The following PKIG variants were observed in gnomAD, a reference collection of about 807,000 sequenced individuals.
The protein encoded by PKIG is protein kinase (cAMP-dependent, catalytic) inhibitor gamma.
PKIG carries 1 observed loss-of-function variant against 6.8 expected under a neutral mutation model. The ratio of observed to expected loss-of-function variants is 0.15; its 90% CI spans 0.05 to 0.69. The LOEUF (loss-of-function observed/expected upper bound fraction) is 0.69. Among genes scored for constraint, PKIG ranks in the 30% least tolerant of loss-of-function variants. The pLI is 0.82. For missense variants in PKIG, 77 were observed against 104.0 expected (o/e 0.74, Z 1.13); for synonymous variants, 39 against 43.0 (o/e 0.91, Z 0.36).
chr20:44,570,481 A>G (rs1172936371), intron 1 of PKIG, among the ~76,000 whole-genome samples: 1 of 152,206 alleles, frequency 6.6e-6, no homozygotes, highest in East Asian at 1.9e-4. Flanking sequence ...TTGTCGTCAT[A>G]CATACCAGTA....
chr20:44,533,745 A>G (rs1051719891), intron 1 of PKIG, among the ~76,000 whole-genome samples: 1 of 152,198 alleles, frequency 6.6e-6, no homozygotes, highest in Non-Finnish European at 1.5e-5. Context: ...AGAATGAGCC[A>G]TGCACTTAGT....
rs755749020 is a variant in PKIG at position 44,618,352 on chromosome 20, C to T, written c.219C>T (p.Thr73=). 4.3e-6 allele frequency: 7 copies of T among 1,610,532 alleles called. No individual in the cohort carries two copies. The East Asian group carries it at 1.3e-4, about 31-fold the overall frequency. Residue 73 remains threonine, a synonymous_variant, in exon 4 of 4, where the codon ACC becomes ACT. Transcript: ENST00000372886. ...ACCAGCCCCAGAGCAGCGATGGGAC[C>T]ACCTCGTCTTGAATCTGACCTTGTC... is the stretch of plus-strand genomic sequence containing the variant. ...AGNQPQSSDG[T]TSS
At chr20:44,609,005 A>G (rs1183200697) in intron 2 of PKIG, among the ~76,000 whole-genome samples, 6 of 152,232 alleles carry the variant, frequency 3.9e-5, no homozygotes, top group Non-Finnish European at 8.8e-5. Context: ...GGGTTTGAGA[A>G]TGACCATTTT....
chr20:44,535,066 T>G (rs2064500361), intron 1 of PKIG, among the ~76,000 whole-genome samples: 1 of 152,076 alleles, frequency 6.6e-6, no homozygotes, highest in Non-Finnish European at 1.5e-5. Context: ...CAAAAAGCAA[T>G]AGCTTTATGC....
chr20:44,581,194 T>C (rs2027871), upstream of PKIG, among the ~76,000 whole-genome samples: 63,727 of 152,088 alleles, frequency 0.42, 15,677 homozygotes, highest in Non-Finnish European at 0.57. Context: ...GTATATGTCT[T>C]CTTATCCAGG....
intron 1 of PKIG, among the ~76,000 whole-genome samples, chr20:44,543,386 T>A (rs937486165): frequency 3.3e-5 from 5 of 152,070 alleles, no homozygotes; most frequent in Non-Finnish European, 4.4e-5. Flanking sequence ...AAACTTACTC[T>A]ATAGTAAGTT....
In PKIG at chr20:44,583,055, TC is replaced by T. The variant is rs751014215; in HGVS notation, c.-94+325del. Among the ~76,000 whole-genome samples the T allele has an allele frequency of 1.8e-4, 28 of 152,340 alleles. No homozygotes were observed. In the East Asian group the frequency reaches 5.0e-3, roughly 27 times the overall value. Reference sequence around the variant, plus strand: ...AAGAAATAAATCTTCCCTAAGAAATTCGTGTTTGTAAAACCCTTTCTTTTTT... The same window carrying T: ...AAGAAATAAATCTTCCCTAAGAAATTGTGTTTGTAAAACCCTTTCTTTTTT... On this transcript the variant is annotated intron_variant, in intron 1 of 3. Coordinates refer to ENST00000372886, the MANE Select transcript of PKIG (RefSeq NM_001281445.2).
At chr20:44,581,034 G>C (rs1394341135), upstream of PKIG, among the ~76,000 whole-genome samples, 1 of 152,144 alleles carries the variant, frequency 6.6e-6, no homozygotes. Flanking sequence ...CCTTTCCCAG[G>C]CTGGCTGCGG....
intron 1 of PKIG, among the ~76,000 whole-genome samples, chr20:44,557,538 A>C (rs2064724290): frequency 6.7e-6 from 1 of 148,834 alleles, no homozygotes; most frequent in Non-Finnish European, 1.5e-5. Context: ...AAAAAAAAAA[A>C]GGCCAGGTGC....
At chr20:44,574,539 A>G (rs946339719) in intron 1 of PKIG, among the ~76,000 whole-genome samples, 10 of 151,988 alleles carry the variant, frequency 6.6e-5, no homozygotes, top group Non-Finnish European at 1.3e-4. Flanking sequence ...ACATCATTTT[A>G]TCAGTAATTA....
At chr20:44,574,833 G>A (rs980718898) in intron 1 of PKIG, among the ~76,000 whole-genome samples, 1 of 152,174 alleles carries the variant, frequency 6.6e-6, no homozygotes, top group East Asian at 1.9e-4. Context: ...GCCTCCCAAA[G>A]TGTTGAGATT....
At chr20:44,584,837 C>T (rs2064977053) in intron 1 of PKIG, among the ~76,000 whole-genome samples, 1 of 151,924 alleles carries the variant, frequency 6.6e-6, no homozygotes, top group African/African-American at 2.4e-5. Context: ...GATTCTCCTG[C>T]CTCAGCCCCT....
chr20:44,560,529 C>G (rs1176951973), intron 1 of PKIG, among the ~76,000 whole-genome samples: 1 of 152,140 alleles, frequency 6.6e-6, no homozygotes, highest in Non-Finnish European at 1.5e-5. Flanking sequence ...TTGCTGATCC[C>G]GAGAAAGCAT....
intron 1 of PKIG, among the ~76,000 whole-genome samples, chr20:44,559,977 C>G (rs184905292): frequency 1.3e-5 from 2 of 149,640 alleles, no homozygotes; most frequent in Non-Finnish European, 3.0e-5. Context: ...CTGAGGTGGG[C>G]GGATCACTTG....
chr20:44,558,574 T>TTTCTTTCTTTCTTTCTTTC (rs2064736616), intron 1 of PKIG, among the ~76,000 whole-genome samples: 160 of 132,000 alleles, frequency 1.2e-3, no homozygotes, highest in Admixed American at 2.1e-3. Flanking sequence ...TTTTTTTCTT[T>TTTCTTTCTTTCTTTCTTTC]TTTCTTTCTT....
chr20:44,568,167 A>G (rs1323026424), intron 1 of PKIG, among the ~76,000 whole-genome samples: 2 of 152,182 alleles, frequency 1.3e-5, no homozygotes, highest in Admixed American at 6.6e-5. Flanking sequence ...TAACTCTGAT[A>G]TAAATGTCTC....
In PKIG at chr20:44,612,250, G is replaced by A. The variant is rs116960652; in HGVS notation, c.-23-2284G>A. Reference sequence around the variant, plus strand: ...TTTTTATGACTACTTCATAATTCACGCGATGCCTAACCTCCTGGTGGACAT... The same window carrying A: ...TTTTTATGACTACTTCATAATTCACACGATGCCTAACCTCCTGGTGGACAT... On this transcript the variant is annotated intron_variant, in intron 2 of 3. Coordinates refer to ENST00000372886, the MANE Select transcript of PKIG (RefSeq NM_001281445.2). Among the ~76,000 whole-genome samples the A allele has an allele frequency of 4.3e-3, 657 of 152,098 alleles. 2 individuals carry two copies. The highest frequency in any genetic ancestry group is 8.2e-3 in the Admixed American group (125 of 15,276).
chr20:44,600,321 T>C (rs1234894036), intron 2 of PKIG, among the ~76,000 whole-genome samples: 2 of 151,978 alleles, frequency 1.3e-5, no homozygotes, highest in African/African-American at 4.8e-5. Flanking sequence ...AGATGTGAAA[T>C]AGAAAAGCAT....
chr20:44,617,340 C>T (rs2065274479), intron 3 of PKIG, among the ~76,000 whole-genome samples: 2 of 152,178 alleles, frequency 1.3e-5, no homozygotes, highest in African/African-American at 4.8e-5. Context: ...CTATTGAGCT[C>T]TGCCCACATG....
Sources: gnomAD v4.1 joint callset for allele counts (sites outside exome capture counted in the v4.1 genomes callset) on GRCh38, gnomAD v4.1.1 for gene constraint, MANE v1.5 for transcripts, NCBI Gene and HGNC (gene_info 2026-07-23, HGNC 2026-07-21) for gene names.